ARHGAP39: variants seen among roughly 807,000 people sequenced by gnomAD.
The protein encoded by ARHGAP39 is Rho GTPase activating protein 39, also known as rho GTPase-activating protein 39.
A neutral mutation model predicts 106.9 loss-of-function variants in ARHGAP39; 44 were observed. That is an observed-to-expected ratio of 0.41 (90% CI 0.32 to 0.53). The LOEUF (loss-of-function observed/expected upper bound fraction) is 0.53, where lower values mean the gene tolerates loss of function less well. Ranked by LOEUF, ARHGAP39 falls within the 20% of genes least tolerant of loss-of-function variation. ARHGAP39 has a pLI of 0.21. For synonymous variants in ARHGAP39, 768 were observed against 693.2 expected, an observed-to-expected ratio of 1.11 and a Z score of -1.69; for missense variants, 1,496 against 1,577.3, an observed-to-expected ratio of 0.95 and a Z score of 0.87.
chr8:144,667,662 G>A (rs1300724943), intron 1 of ARHGAP39, among the ~76,000 whole-genome samples: 2 of 152,210 alleles, frequency 1.3e-5, no homozygotes, highest in African/African-American at 4.8e-5. Context: ...TGGTAAGAGG[G>A]AAAGTTCAGG....
At chr8:144,681,725 T>A (rs1421789000) in intron 1 of ARHGAP39, among the ~76,000 whole-genome samples, 1 of 152,244 alleles carries the variant, frequency 6.6e-6, no homozygotes, top group Non-Finnish European at 1.5e-5. Context: ...TTTAAAAATC[T>A]ATCTTAGGCT....
At chr8:144,628,856 G>A (rs985165382) in intron 1 of ARHGAP39, among the ~76,000 whole-genome samples, 8 of 152,170 alleles carry the variant, frequency 5.3e-5, no homozygotes, top group Non-Finnish European at 1.5e-5. Context: ...GTGCCTGGGC[G>A]GGACTCATGC....
At chr8:144,596,761 A>G (rs926068180) in intron 2 of ARHGAP39, among the ~76,000 whole-genome samples, 1 of 152,170 alleles carries the variant, frequency 6.6e-6, no homozygotes, top group Admixed American at 6.5e-5. Flanking sequence ...CAGCACACAG[A>G]CAGAGGACCC....
intron 1 of ARHGAP39, among the ~76,000 whole-genome samples, chr8:144,621,911 G>A (rs141518644): frequency 1.1e-4 from 17 of 152,360 alleles, no homozygotes; most frequent in Middle Eastern, 3.4e-3. Flanking sequence ...GGCTCAGTGC[G>A]GGCCGCACAC....
intron 3 of ARHGAP39, among the ~76,000 whole-genome samples, chr8:144,575,612 G>A (rs1818742990): frequency 6.6e-6 from 1 of 152,056 alleles, no homozygotes; most frequent in Admixed American, 6.5e-5. Flanking sequence ...CACCTCCTGA[G>A]ACAACAGCGC....
Position 144,545,268 on chromosome 8 carries a change from G to T in ARHGAP39, c.2502C>A (p.Asp834Glu), listed in dbSNP as rs1176576468. The T allele has an allele frequency of 1.3e-6, 2 of 1,551,740 alleles. No homozygotes were observed. Among genetic ancestry groups the T allele is most frequent in the South Asian group, 2.4e-5 (2 of 84,414 alleles). The part of the protein sequence containing the change: ...YLEGYIYRHM[D>E]PVNDTKVTQH... ...CCTTACCTTTAGTGTCATTGACGGG[G>T]TCCATGTGCCGGTAGATGTAGCCTT... The change falls in exon 6 of 12, where the codon GAC becomes GAA. Residue 834 changes from aspartate to glutamate, a missense_variant. By Grantham distance (45) the Asp-to-Glu change is conservative (BLOSUM62 2). Transcript: ENST00000377307.
At chr8:144,574,001 C>T (rs369362620) in intron 3 of ARHGAP39, among the ~76,000 whole-genome samples, 19 of 151,704 alleles carry the variant, frequency 1.3e-4, no homozygotes, top group African/African-American at 3.6e-4. Flanking sequence ...GGCAAAACCT[C>T]GTCTCTACTA....
chr8:144,606,422 T>G (rs557894880), intron 1 of ARHGAP39, among the ~76,000 whole-genome samples: 2 of 152,252 alleles, frequency 1.3e-5, no homozygotes, highest in Non-Finnish European at 2.9e-5. Flanking sequence ...ATGATCCACT[T>G]CCACGTAATG....
At chr8:144,536,481 C>T (rs1254658256) in intron 7 of ARHGAP39, among the ~76,000 whole-genome samples, 1 of 152,202 alleles carries the variant, frequency 6.6e-6, no homozygotes, top group Admixed American at 6.5e-5. Flanking sequence ...GCTTTTATGG[C>T]CAGCGGTGTC....
chr8:144,659,806 T>G (rs546709914), intron 1 of ARHGAP39, among the ~76,000 whole-genome samples: 1 of 152,292 alleles, frequency 6.6e-6, no homozygotes, highest in East Asian at 1.9e-4. Flanking sequence ...GGTCCACTTA[T>G]TCAAGCCCCA....
chr8:144,578,845 AAAACAAAC>A (rs766228269), intron 3 of ARHGAP39, among the ~76,000 whole-genome samples: 10 of 151,568 alleles, frequency 6.6e-5, no homozygotes, highest in African/African-American at 1.2e-4. Flanking sequence ...CCCTGTCTCA[AAAACAAAC>A]AAACAAACAA....
intron 4 of ARHGAP39, among the ~76,000 whole-genome samples, chr8:144,549,832 T>C (rs1425882468): frequency 6.6e-6 from 1 of 152,230 alleles, no homozygotes. Flanking sequence ...TTCCCATTGC[T>C]TGGCAGCTCC....
intron 1 of ARHGAP39, among the ~76,000 whole-genome samples, chr8:144,655,633 G>A (rs1445094359): frequency 6.6e-6 from 1 of 152,100 alleles, no homozygotes; most frequent in Non-Finnish European, 1.5e-5. Flanking sequence ...CCTACAGAGA[G>A]GAGTCACCCA....
At chr8:144,559,237 C>G (rs1818054000) in intron 3 of ARHGAP39, among the ~76,000 whole-genome samples, 1 of 150,952 alleles carries the variant, frequency 6.6e-6, no homozygotes, top group Non-Finnish European at 1.5e-5. Flanking sequence ...CAAAAACTAG[C>G]CGGAAGGGTG....
intron 4 of ARHGAP39, among the ~76,000 whole-genome samples, chr8:144,550,142 T>C (rs1290771392): frequency 6.6e-6 from 1 of 151,652 alleles, no homozygotes; most frequent in Non-Finnish European, 1.5e-5. Flanking sequence ...AACATGGTGG[T>C]GTGCTCCTGT....
intron 1 of ARHGAP39, among the ~76,000 whole-genome samples, chr8:144,629,522 G>A (rs373538568): frequency 6.6e-6 from 1 of 152,242 alleles, no homozygotes; most frequent in East Asian, 1.9e-4. Context: ...GGCTCATCCT[G>A]CATGAGCTAC....
chr8:144,533,492 G>A (rs1482292039), intron 8 of ARHGAP39, among the ~76,000 whole-genome samples, 167 bp from the exon 9 acceptor site: 4 of 152,162 alleles, frequency 2.6e-5, no homozygotes, highest in Non-Finnish European at 5.9e-5. Context: ...GTCCATCCCT[G>A]GACCAGCCCT....
intron 1 of ARHGAP39, among the ~76,000 whole-genome samples, chr8:144,623,098 G>A (rs1820845683): frequency 6.6e-6 from 1 of 152,220 alleles, no homozygotes; most frequent in South Asian, 2.1e-4. Context: ...AGAATAAAAT[G>A]TTCCTGGATC....
intron 4 of ARHGAP39, among the ~76,000 whole-genome samples, chr8:144,552,382 C>A (rs928314010): frequency 6.6e-6 from 1 of 152,258 alleles, no homozygotes; most frequent in Admixed American, 6.5e-5. Context: ...GGGAGAAGCG[C>A]GCGGCGGCAG....
Sources: gnomAD v4.1 joint callset for allele counts (sites outside exome capture counted in the v4.1 genomes callset) on GRCh38, gnomAD v4.1.1 for gene constraint, MANE v1.5 for transcripts, NCBI Gene and HGNC (gene_info 2026-07-23, HGNC 2026-07-21) for gene names.